The following MKX variants were observed in gnomAD, a reference collection of about 807,000 sequenced individuals.
The protein encoded by MKX is mohawk homeobox.
Under a neutral mutation model 36.0 loss-of-function variants are expected in MKX, and 13 were observed. That is an observed-to-expected ratio of 0.36 (90% CI 0.24 to 0.57). The LOEUF is 0.57. MKX is among the 20% of genes least tolerant of loss of function. The pLI is 0.79. For synonymous variants in MKX, 176 were observed against 178.3 expected, an observed-to-expected ratio of 0.99 and a Z score of 0.10; for missense variants, 458 against 456.4, an observed-to-expected ratio of 1.00 and a Z score of -0.03.
At chr10:27,706,715 T>C (rs149089701) in intron 5 of MKX, among the ~76,000 whole-genome samples, 1 of 152,338 alleles carries the variant, frequency 6.6e-6, no homozygotes, top group Non-Finnish European at 1.5e-5. Context: ...TGGAAAAATG[T>C]CTATTCAAGC....
At chr10:27,709,846 C>T (rs573643249) in intron 5 of MKX, among the ~76,000 whole-genome samples, 5 of 152,006 alleles carry the variant, frequency 3.3e-5, no homozygotes, top group Non-Finnish European at 7.4e-5. Context: ...ACATGCAAAC[C>T]ACATAAGTCA....
At chr10:27,719,132 C>G (rs941815360) in intron 5 of MKX, among the ~76,000 whole-genome samples, 3 of 152,120 alleles carry the variant, frequency 2.0e-5, no homozygotes, top group African/African-American at 7.2e-5. Flanking sequence ...CAAATACATG[C>G]TTAATGGGGC....
At chr10:27,725,816 G>T (rs868251990) in intron 5 of MKX, among the ~76,000 whole-genome samples, 5 of 152,020 alleles carry the variant, frequency 3.3e-5, no homozygotes, top group Non-Finnish European at 7.4e-5. Flanking sequence ...ATTTGGTCTC[G>T]TCAGTGTATA....
intron 5 of MKX, among the ~76,000 whole-genome samples, chr10:27,687,028 G>A (rs1483725186): frequency 2.0e-5 from 3 of 149,178 alleles, no homozygotes; most frequent in Non-Finnish European, 3.0e-5. Context: ...TTTTTGAAAC[G>A]GAGTCTCGCT....
intron 5 of MKX, among the ~76,000 whole-genome samples, chr10:27,703,220 C>A (rs1461791018): frequency 6.6e-6 from 1 of 152,186 alleles, no homozygotes; most frequent in African/African-American, 2.4e-5. Flanking sequence ...TCTTATATAG[C>A]ACAGTTTACC....
intron 5 of MKX, among the ~76,000 whole-genome samples, chr10:27,697,581 A>C (rs1036725457): frequency 1.1e-4 from 16 of 152,206 alleles, no homozygotes; most frequent in African/African-American, 3.9e-4. Context: ...TAGGGCTAGC[A>C]CTGGAAGTCA....
intron 5 of MKX, among the ~76,000 whole-genome samples, chr10:27,719,153 TA>T (rs969249011): frequency 1.3e-5 from 2 of 151,866 alleles, no homozygotes; most frequent in South Asian, 2.1e-4. Context: ...TCAAAAACAA[TA>T]AAAGGTACCA....
intron 3 of MKX, among the ~76,000 whole-genome samples, chr10:27,737,848 T>C (rs907138284): frequency 2.0e-5 from 3 of 152,082 alleles, no homozygotes; most frequent in Non-Finnish European, 4.4e-5. Flanking sequence ...CAACCACACA[T>C]AGTACAGTGT....
At chr10:27,682,613 C>T (rs1836273380) in intron 5 of MKX, among the ~76,000 whole-genome samples, 2 of 152,242 alleles carry the variant, frequency 1.3e-5, no homozygotes, top group South Asian at 4.1e-4. Flanking sequence ...TTCCCACGGA[C>T]CAGGGATGGG....
In MKX at chr10:27,673,335, G is replaced by C. The variant is rs1836083832; in HGVS notation, c.*1894C>G. The stretch of plus-strand genomic sequence containing the variant: ...GACTCATTCAAATAAAATACAACCA[G>C]CATTCATTCATTTAACTGAAATATG... On this transcript the variant is annotated 3_prime_UTR_variant, in exon 7 of 7. Coordinates refer to ENST00000419761, the MANE Select transcript of MKX (RefSeq NM_173576.3). 6.6e-6 allele frequency: 1 copy of C among 152,306 alleles called. No individual in the cohort carries two copies. Among genetic ancestry groups the C allele is most frequent in the Non-Finnish European group, 1.5e-5 (1 of 67,962 alleles). 9.4% of individuals were successfully genotyped at this position (152,306 alleles called of 1,614,324 possible). A position where few individuals can be genotyped will look rare whatever the true frequency, so the allele number is the denominator to read the frequency against.
chr10:27,736,234 G>A (rs745910283), intron 3 of MKX, among the ~76,000 whole-genome samples: 1 of 152,106 alleles, frequency 6.6e-6, no homozygotes, highest in Non-Finnish European at 1.5e-5. Context: ...CAAAAGAGGC[G>A]TTAGCAAAAC....
chr10:27,711,499 T>TCTCCCTTCC (rs1554772224), intron 5 of MKX, among the ~76,000 whole-genome samples: 25 of 93,054 alleles, frequency 2.7e-4, no homozygotes, highest in African/African-American at 1.1e-3. Context: ...CTCTCTCTTC[T>TCTCCCTTCC]TTCCTTCCTT....
chr10:27,693,661 A>G (rs1335052610), intron 5 of MKX, among the ~76,000 whole-genome samples: 1 of 152,234 alleles, frequency 6.6e-6, no homozygotes, highest in Non-Finnish European at 1.5e-5. Flanking sequence ...TAAGTAAATA[A>G]GACACCTATA....
At chr10:27,695,631 A>G (rs1294635091) in intron 5 of MKX, among the ~76,000 whole-genome samples, 1 of 152,160 alleles carries the variant, frequency 6.6e-6, no homozygotes, top group Non-Finnish European at 1.5e-5. Flanking sequence ...TGAAAGGAGC[A>G]AGGAATCTAT....
At chr10:27,743,941 G>A (rs533945997) in intron 1 of MKX, among the ~76,000 whole-genome samples, 1 of 152,054 alleles carries the variant, frequency 6.6e-6, no homozygotes, top group East Asian at 1.9e-4. Flanking sequence ...CGTCAGGAGG[G>A]GTTGGATGGA....
chr10:27,675,965 C>G (rs192016515), intron 5 of MKX, among the ~76,000 whole-genome samples: 184 of 152,290 alleles, frequency 1.2e-3, no homozygotes, highest in Non-Finnish European at 2.2e-3. Context: ...ATTCAGTTCT[C>G]TAACTATAAA....
chr10:27,732,960 G>A (rs973990496), intron 5 of MKX, among the ~76,000 whole-genome samples: 1 of 152,100 alleles, frequency 6.6e-6, no homozygotes, highest in African/African-American at 2.4e-5. Context: ...ATATTGCCCA[G>A]GCTTGTCTCA....
chr10:27,683,516 C>T (rs1836292244), intron 5 of MKX, among the ~76,000 whole-genome samples: 1 of 152,260 alleles, frequency 6.6e-6, no homozygotes, highest in Non-Finnish European at 1.5e-5. Flanking sequence ...CTATATTCAC[C>T]TTGCTCATGA....
chr10:27,711,745 T>G (rs887522938), intron 5 of MKX, among the ~76,000 whole-genome samples: 2 of 146,226 alleles, frequency 1.4e-5, no homozygotes, highest in Non-Finnish European at 2.9e-5. Context: ...AGCTAATTTT[T>G]AAAACTCTTT....
Sources: gnomAD v4.1 joint callset for allele counts (sites outside exome capture counted in the v4.1 genomes callset) on GRCh38, gnomAD v4.1.1 for gene constraint, MANE v1.5 for transcripts, NCBI Gene and HGNC (gene_info 2026-07-23, HGNC 2026-07-21) for gene names.